Variants in SPTLC3 observed in about 807,000 individuals in gnomAD.
SPTLC3 encodes serine palmitoyltransferase 3.
Under a neutral mutation model 59.3 loss-of-function variants are expected in SPTLC3, and 36 were observed. The observed-to-expected ratio is 0.61, with a 90% CI of 0.47 to 0.80. The LOEUF (loss-of-function observed/expected upper bound fraction) is 0.80. Among genes scored for constraint, SPTLC3 ranks in the 30% least tolerant of loss-of-function variants. The pLI is 0.00. For missense variants in SPTLC3, 625 were observed against 685.1 expected, an observed-to-expected ratio of 0.91 and a Z score of 0.98; for synonymous variants, 257 against 240.8, an observed-to-expected ratio of 1.07 and a Z score of -0.62.
chr20:13,070,135 A>T (rs1197663368), intron 2 of SPTLC3, among the ~76,000 whole-genome samples: 1 of 152,220 alleles, frequency 6.6e-6, no homozygotes. Context: ...CCTGTGAGAA[A>T]GACATATAAA....
At position 13,165,426 on chromosome 20, in the gene SPTLC3, A is replaced by G. The variant is rs2038971584; in HGVS notation, c.*559A>G. The G allele has an allele frequency of 6.6e-6, 1 of 152,574 alleles. No individual in the cohort carries two copies. The highest frequency in any genetic ancestry group is 1.5e-5 in the Non-Finnish European group (1 of 68,288). The allele number at this position is 152,574 out of a possible 1,614,324, so 9.5% of individuals were successfully genotyped here. A position where few individuals can be genotyped will look rare whatever the true frequency, so the allele number is the denominator to read the frequency against. On this transcript the variant is annotated 3_prime_UTR_variant, in exon 12 of 12. Transcript: ENST00000399002. ...GGACGTTTTTCACAGACAAGTGTCA[A>G]AAGACATAGTTAATGTTTCGAGGGG... is the stretch of plus-strand genomic sequence containing the variant.
chr20:13,055,912 G>A (rs1333752657), intron 2 of SPTLC3, among the ~76,000 whole-genome samples: 1 of 151,994 alleles, frequency 6.6e-6, no homozygotes, highest in Non-Finnish European at 1.5e-5. Context: ...GAGATGAGAG[G>A]GCCTTTCAAG....
intron 6 of SPTLC3, among the ~76,000 whole-genome samples, chr20:13,094,586 G>C (rs774511458): frequency 2.0e-5 from 3 of 152,184 alleles, no homozygotes; most frequent in Non-Finnish European, 2.9e-5. Flanking sequence ...ACGGAGAACT[G>C]AGGAAGAATT....
At chr20:13,071,414 T>C (rs1988430376) in intron 2 of SPTLC3, among the ~76,000 whole-genome samples, 1 of 152,206 alleles carries the variant, frequency 6.6e-6, no homozygotes, top group African/African-American at 2.4e-5. Context: ...CAAAAATTAA[T>C]TTGATGAATC....
intron 10 of SPTLC3, among the ~76,000 whole-genome samples, chr20:13,157,209 AGATG>A (rs1160640477): frequency 6.6e-6 from 1 of 151,864 alleles, no homozygotes; most frequent in Non-Finnish European, 1.5e-5. Context: ...AGGCTGAGGC[AGATG>A]GATCACCTGA....
At chr20:13,088,261 A>G (rs976525384) in intron 4 of SPTLC3, among the ~76,000 whole-genome samples, 2 of 152,320 alleles carry the variant, frequency 1.3e-5, no homozygotes, top group Admixed American at 6.5e-5. Flanking sequence ...AACTTTTAAC[A>G]TTGCACCAAA....
At chr20:13,149,184 G>C (rs764897616) in intron 9 of SPTLC3, among the ~76,000 whole-genome samples, 4 of 152,164 alleles carry the variant, frequency 2.6e-5, no homozygotes, top group Non-Finnish European at 5.9e-5. Context: ...ATGTGAGTAG[G>C]GACTTTCCCT....
intron 7 of SPTLC3, among the ~76,000 whole-genome samples, chr20:13,116,917 GC>G (rs35089880): frequency 0.29 from 43,539 of 151,906 alleles, 6,481 homozygotes; most frequent in Admixed American, 0.34. Context: ...CTGTTCCTCT[GC>G]CCTAAAGGAA....
At chr20:13,011,361 C>T (rs980720427) in intron 1 of SPTLC3, among the ~76,000 whole-genome samples, 6 of 152,182 alleles carry the variant, frequency 3.9e-5, no homozygotes, top group African/African-American at 9.7e-5. Flanking sequence ...CTCCCAAACA[C>T]GTTCTGCCTG....
chr20:13,156,777 C>G (rs941214190), intron 10 of SPTLC3, among the ~76,000 whole-genome samples: 3 of 152,184 alleles, frequency 2.0e-5, no homozygotes, highest in South Asian at 4.1e-4. Context: ...AGCCATTTCA[C>G]TACTACTCTG....
At position 13,009,162 on chromosome 20, in the gene SPTLC3, G is replaced by C; in HGVS notation, c.-106G>C. The C allele has an allele frequency of 1.2e-6, 1 of 804,630 alleles. No homozygotes were observed. Among genetic ancestry groups the C allele is most frequent in the Non-Finnish European group, 2.0e-6 (1 of 488,394 alleles). 49.8% of individuals were successfully genotyped at this position (804,630 alleles called of 1,614,324 possible). A position where few individuals can be genotyped will look rare whatever the true frequency, so the allele number is the denominator to read the frequency against. ...AGCCTGATTGGTAAGATTCCTTTAA[G>C]GGCTCAGCCCCAAAGAGCTTTATCC... On this transcript the variant is annotated 5_prime_UTR_variant, in exon 1 of 12. Coordinates refer to ENST00000399002, the MANE Select transcript of SPTLC3 (RefSeq NM_018327.4).
chr20:13,043,225 C>T (rs557149349), intron 1 of SPTLC3, among the ~76,000 whole-genome samples: 3 of 152,174 alleles, frequency 2.0e-5, no homozygotes, highest in South Asian at 2.1e-4. Context: ...ATGGCCCTCT[C>T]GTTAGCTCCA....
Position 13,049,329 on chromosome 20 carries a change from A to C in SPTLC3, c.303+199A>C, listed in dbSNP as rs774450138. ...TGTTTTTACAAACATCTCATGGGCA[A>C]CTACTATTTGCCACATACCAAACTA... is the stretch of plus-strand genomic sequence containing the variant. On this transcript the variant is annotated intron_variant, in intron 2 of 11. Coordinates refer to ENST00000399002, the MANE Select transcript of SPTLC3 (RefSeq NM_018327.4). 24 of 583,558 alleles carry C rather than the reference A, an allele frequency of 4.1e-5. No individual in the cohort carries two copies. The South Asian group carries it at 4.3e-4, about 10-fold the overall frequency. 36.1% of individuals were successfully genotyped at this position (583,558 alleles called of 1,614,324 possible). A position where few individuals can be genotyped will look rare whatever the true frequency, so the allele number is the denominator to read the frequency against.
At chr20:13,136,441 T>C (rs746251507) in intron 9 of SPTLC3, among the ~76,000 whole-genome samples, 31 of 151,398 alleles carry the variant, frequency 2.0e-4, no homozygotes, top group Non-Finnish European at 1.9e-4. Flanking sequence ...TACCAAAACA[T>C]ACAAAAAAAT....
At chr20:13,025,449 G>A (rs1453491652) in intron 1 of SPTLC3, among the ~76,000 whole-genome samples, 2 of 152,144 alleles carry the variant, frequency 1.3e-5, no homozygotes, top group Non-Finnish European at 2.9e-5. Flanking sequence ...GTGTGACCTT[G>A]CATAAGCAGT....
chr20:13,049,184 G>A (rs769933754), intron 2 of SPTLC3, 54 bp downstream of exon 2: 1 of 1,584,286 alleles, frequency 6.3e-7, no homozygotes, highest in Non-Finnish European at 8.6e-7. Flanking sequence ...TCTCTAAAGT[G>A]TTCTCAGAAG....
At chr20:13,058,104 AT>A (rs1238319532) in intron 2 of SPTLC3, among the ~76,000 whole-genome samples, 1 of 152,114 alleles carries the variant, frequency 6.6e-6, no homozygotes, top group Admixed American at 6.5e-5. Context: ...TTTCTGGCCC[AT>A]CTTCAGAGAT....
At chr20:13,057,886 C>A (rs529719461) in intron 2 of SPTLC3, among the ~76,000 whole-genome samples, 1 of 152,224 alleles carries the variant, frequency 6.6e-6, no homozygotes, top group South Asian at 2.1e-4. Flanking sequence ...AGAATGTCAG[C>A]AAATATAATC....
chr20:13,087,245 A>G (rs1477549051), intron 4 of SPTLC3, among the ~76,000 whole-genome samples: 2 of 152,166 alleles, frequency 1.3e-5, no homozygotes, highest in African/African-American at 4.8e-5. Context: ...ACTTTTAGTG[A>G]TGCAATTGTT....
Sources: gnomAD v4.1 joint callset for allele counts (sites outside exome capture counted in the v4.1 genomes callset) on GRCh38, gnomAD v4.1.1 for gene constraint, MANE v1.5 for transcripts, NCBI Gene and HGNC (gene_info 2026-07-23, HGNC 2026-07-21) for gene names.